Variants in NF1 observed in about 807,000 individuals in gnomAD.
NF1 encodes neurofibromin.
A neutral mutation model predicts 325.7 loss-of-function variants in NF1; 122 were observed. The observed-to-expected ratio is 0.37, with a 90% CI of 0.32 to 0.44. The LOEUF is 0.44. NF1 is among the 20% of genes least tolerant of loss of function. The pLI is 1.00. For missense variants in NF1, 2,140 were observed against 3,415.4 expected, an observed-to-expected ratio of 0.63 and a Z score of 9.31; for synonymous variants, 1,091 against 1,186.0, an observed-to-expected ratio of 0.92 and a Z score of 1.65.
At chr17:31,098,953 GAATCTT>G (rs1040439198) in intron 1 of NF1, among the ~76,000 whole-genome samples, 3 of 117,704 alleles carry the variant, frequency 2.5e-5, no homozygotes, top group Non-Finnish European at 5.8e-5. Flanking sequence ...AAAAAAAAAA[GAATCTT>G]AATAGTTTCA....
At chr17:31,251,839 T>G (rs1336287603) in intron 30 of NF1, 1 of 214,350 alleles carries the variant, frequency 4.7e-6, no homozygotes, top group African/African-American at 2.3e-5. Flanking sequence ...ACAGTAACTC[T>G]TTGGATGGAT....
intron 37 of NF1, among the ~76,000 whole-genome samples, chr17:31,326,668 A>C (rs1344709577): frequency 6.6e-6 from 1 of 152,092 alleles, no homozygotes; most frequent in Non-Finnish European, 1.5e-5. Context: ...GGTTATGTAA[A>C]TCTAGATGTA....
At chr17:31,310,213 T>G (rs555452531) in intron 36 of NF1, among the ~76,000 whole-genome samples, 46 of 151,430 alleles carry the variant, frequency 3.0e-4, no homozygotes, top group African/African-American at 1.1e-3. Flanking sequence ...AAAAGGAGAT[T>G]TAGAATAATA....
intron 5 of NF1, among the ~76,000 whole-genome samples, chr17:31,172,837 T>G (rs1380407620): frequency 6.6e-6 from 1 of 152,198 alleles, no homozygotes; most frequent in Admixed American, 6.5e-5. Flanking sequence ...TATACCCCTT[T>G]GCTTGAAATT....
Position 31,229,983 on chromosome 17 carries a change from T to C in NF1, c.2990+9T>C. 1 of 1,611,632 alleles carries C rather than the reference T, an allele frequency of 6.2e-7. No individual in the cohort carries two copies. The highest frequency in any genetic ancestry group is 1.1e-5 in the South Asian group (1 of 90,982). ...ATGTTAAATCTGGTCAGGTAAGCAT[T>C]CTACTGAAATGTAGCAGAAACATTT... On this transcript the variant is annotated intron_variant, in intron 22 of 57. Coordinates refer to ENST00000358273, the MANE Select transcript of NF1 (RefSeq NM_001042492.3).
At chr17:31,240,433 G>C (rs1247553452) in intron 29 of NF1, among the ~76,000 whole-genome samples, 4 of 152,184 alleles carry the variant, frequency 2.6e-5, no homozygotes, top group African/African-American at 9.7e-5. Context: ...TGTCTGAATA[G>C]TACTCCGTTG....
intron 1 of NF1, among the ~76,000 whole-genome samples, chr17:31,110,854 C>G (rs982571698): frequency 6.6e-5 from 10 of 151,908 alleles, no homozygotes; most frequent in African/African-American, 1.7e-4. Context: ...GCGCAGGACT[C>G]TAGGACACTC....
chr17:31,342,148 GA>G (rs1271265005), intron 47 of NF1, among the ~76,000 whole-genome samples: 2 of 152,194 alleles, frequency 1.3e-5, no homozygotes, highest in African/African-American at 2.4e-5. Flanking sequence ...TTGCAAATTA[GA>G]AAGGAACTAA....
At chr17:31,124,440 C>T (rs1914690983) in intron 1 of NF1, among the ~76,000 whole-genome samples, 1 of 150,550 alleles carries the variant, frequency 6.6e-6, no homozygotes, top group Non-Finnish European at 1.5e-5. Flanking sequence ...CTCATTTTAA[C>T]TGCACGTATA....
intron 36 of NF1, among the ~76,000 whole-genome samples, chr17:31,283,604 A>G (rs527884860): frequency 2.0e-5 from 3 of 152,068 alleles, no homozygotes; most frequent in South Asian, 2.1e-4. Flanking sequence ...ACAGGTGTGC[A>G]CCACCATGCC....
At chr17:31,106,124 G>T (rs1912841217) in intron 1 of NF1, among the ~76,000 whole-genome samples, 1 of 152,174 alleles carries the variant, frequency 6.6e-6, no homozygotes, top group Admixed American at 6.5e-5. Context: ...CTTTAGACTT[G>T]TGAGGGCAGC....
intron 36 of NF1, among the ~76,000 whole-genome samples, chr17:31,268,029 C>A (rs888317019): frequency 6.6e-6 from 1 of 152,114 alleles, no homozygotes; most frequent in Admixed American, 6.5e-5. Context: ...CAGAGCCTAC[C>A]CAGATATAGA....
intron 11 of NF1, among the ~76,000 whole-genome samples, chr17:31,203,398 A>G (rs2066565049): frequency 1.3e-5 from 2 of 152,238 alleles, no homozygotes; most frequent in Non-Finnish European, 2.9e-5. Flanking sequence ...CATAAATATT[A>G]GTTCAAAGTA....
At chr17:31,104,511 GTTTC>G (rs1443778059) in intron 1 of NF1, among the ~76,000 whole-genome samples, 1 of 152,180 alleles carries the variant, frequency 6.6e-6, no homozygotes, top group Non-Finnish European at 1.5e-5. Context: ...ATCTTAATCT[GTTTC>G]TTTGCAAAGG....
chr17:31,102,369 G>T (rs975194026), intron 1 of NF1, among the ~76,000 whole-genome samples: 20 of 151,650 alleles, frequency 1.3e-4, no homozygotes, highest in African/African-American at 4.4e-4. Flanking sequence ...ATTATTTTTT[G>T]TGTGTGTGAC....
rs1555536705 is a variant in NF1 at position 31,357,051 on chromosome 17, T to G, written c.7830T>G (p.Leu2610=). ...ESNVLLDEEV[L]TDPKIQALLL... is the part of the protein sequence containing the mutation. The stretch of plus-strand genomic sequence containing the variant: ...ATGTTCTCTTGGATGAAGAAGTACT[T>G]ACTGATCCGAAGATCCAGGCGCTGC... The change falls in exon 53 of 58, where the codon CTT becomes CTG. Residue 2610 remains leucine (L), a synonymous_variant. Transcript: ENST00000358273. 6.2e-7 allele frequency: 1 copy of G among 1,613,920 alleles called. No individual in the cohort carries two copies.
At chr17:31,111,035 A>G (rs1913360682) in intron 1 of NF1, among the ~76,000 whole-genome samples, 1 of 152,128 alleles carries the variant, frequency 6.6e-6, no homozygotes, top group African/African-American at 2.4e-5. Context: ...AAAAAACAAA[A>G]CAAGACAGAA....
At chr17:31,320,414 C>T (rs749064044) in intron 36 of NF1, 21 of 1,609,916 alleles carry the variant, frequency 1.3e-5, no homozygotes, top group Non-Finnish European at 5.1e-6. Flanking sequence ...TGTTTCCAAA[C>T]CAACTCCTAA....
intron 1 of NF1, among the ~76,000 whole-genome samples, chr17:31,122,961 GC>G (rs1285083496): frequency 6.6e-6 from 1 of 152,062 alleles, no homozygotes; most frequent in African/African-American, 2.4e-5. Flanking sequence ...CCTTCATTCA[GC>G]CTGGTAAGTA....
Sources: allele counts gnomAD v4.1 joint callset (sites outside exome capture counted in the v4.1 genomes callset), GRCh38; gene constraint gnomAD v4.1.1; transcripts MANE v1.5; gene names NCBI Gene and HGNC (gene_info 2026-07-23, HGNC 2026-07-21).